The following GALNT17 variants were observed in gnomAD, a reference collection of about 807,000 sequenced individuals.
GALNT17 encodes polypeptide N-acetylgalactosaminyltransferase 17.
In GALNT17, 29 loss-of-function variants were observed where a neutral mutation model predicts 63.7. That is an observed-to-expected ratio of 0.46 (90% CI 0.34 to 0.62). The LOEUF is 0.62. GALNT17 is among the 20% of genes least tolerant of loss of function. The pLI is 0.01. For missense variants in GALNT17, 603 were observed against 799.6 expected (o/e 0.75, Z 2.97); for synonymous variants, 305 against 318.3 (o/e 0.96, Z 0.45).
At chr7:71,181,304 C>A (rs1788731487) in intron 1 of GALNT17, among the ~76,000 whole-genome samples, 1 of 150,662 alleles carries the variant, frequency 6.6e-6, no homozygotes, top group South Asian at 2.1e-4. Flanking sequence ...TGTGCACCAA[C>A]CTAATATTAA....
chr7:71,309,219 T>C (rs1487481601), intron 1 of GALNT17, among the ~76,000 whole-genome samples: 1 of 152,148 alleles, frequency 6.6e-6, no homozygotes, highest in Non-Finnish European at 1.5e-5. Flanking sequence ...TCTTTTCTCT[T>C]TCCTACTCAA....
intron 2 of GALNT17, among the ~76,000 whole-genome samples, chr7:71,386,848 T>C (rs1483479878): frequency 1.3e-5 from 2 of 152,114 alleles, no homozygotes; most frequent in Non-Finnish European, 2.9e-5. Context: ...ACTATGATTA[T>C]TGGCGTGGGT....
Position 71,569,667 on chromosome 7 carries a change from T to G in GALNT17, c.963-1618T>G, listed in dbSNP as rs140815646. Among the ~76,000 whole-genome samples the G allele has an allele frequency of 4.0e-3, 614 of 152,248 alleles. 2 individuals carry two copies. The highest frequency in any genetic ancestry group is 0.014 in the African/African-American group (600 of 41,548). Reference sequence around the variant, plus strand: ...CTGGGGAACAACTTTTCCACACTAGTCTTGAATGGCTGTGTCCATGCTGCA... The same window carrying G: ...CTGGGGAACAACTTTTCCACACTAGGCTTGAATGGCTGTGTCCATGCTGCA... On this transcript the variant is annotated intron_variant, in intron 5 of 10. Coordinates refer to ENST00000333538, the MANE Select transcript of GALNT17 (RefSeq NM_022479.3).
intron 1 of GALNT17, among the ~76,000 whole-genome samples, chr7:71,188,011 T>G (rs1202382813): frequency 6.6e-6 from 1 of 152,218 alleles, no homozygotes; most frequent in South Asian, 2.1e-4. Flanking sequence ...TCACTTAGAA[T>G]AATATTATAG....
At chr7:71,495,280 A>C (rs894214728) in intron 5 of GALNT17, among the ~76,000 whole-genome samples, 2 of 152,058 alleles carry the variant, frequency 1.3e-5, no homozygotes, top group Non-Finnish European at 2.9e-5. Context: ...CATCTCAAAA[A>C]AAAAAGAAAA....
rs1787929763 is a variant in GALNT17, at chr7:71,487,436, C to A, written c.962+66331C>A. Among the ~76,000 whole-genome samples the A allele has an allele frequency of 2.0e-5, 3 of 152,068 alleles. No homozygotes were observed. The South Asian group carries it at 6.2e-4, about 32-fold the overall frequency. On this transcript the variant is annotated intron_variant, in intron 5 of 10. Transcript: ENST00000333538. ...GTTTGGAGACAGGCACCAAAAAGTC[C>A]ATCCAGCGTCCAGGGAATAGTTGAG...
Position 71,638,500 on chromosome 7 carries a change from A to G in GALNT17, c.1081-26911A>G, listed in dbSNP as rs182132734. On this transcript the variant is annotated intron_variant, in intron 6 of 10. Transcript: ENST00000333538. ...TGTCCCTCCCCTGGAAGGTTAGGAAAGGGCTTCTGGAAGAGGGTCCCTGGG... is the reference window on the plus strand; with the variant it reads ...TGTCCCTCCCCTGGAAGGTTAGGAAGGGGCTTCTGGAAGAGGGTCCCTGGG... Among the ~76,000 whole-genome samples, 25 of 152,290 alleles carry G rather than the reference A, an allele frequency of 1.6e-4. No individual in the cohort carries two copies. In the East Asian group the frequency reaches 4.8e-3, roughly 29 times the overall value.
In GALNT17 at chr7:71,712,171, C is replaced by G; in HGVS notation, c.*25C>G. 1.2e-6 allele frequency: 2 copies of G among 1,605,706 alleles called. No homozygotes were observed. The highest frequency in any genetic ancestry group is 1.7e-6 in the Non-Finnish European group (2 of 1,175,542). On this transcript the variant is annotated 3_prime_UTR_variant, in exon 11 of 11. Coordinates refer to ENST00000333538, the MANE Select transcript of GALNT17 (RefSeq NM_022479.3). ...GAGGGAGGGAGCTGGGGCACTGGAGCCTGGCCCCCAGGACATGGCTGCTCC... is the reference window on the plus strand; with the variant it reads ...GAGGGAGGGAGCTGGGGCACTGGAGGCTGGCCCCCAGGACATGGCTGCTCC...
rs372421483 is a variant in GALNT17 at position 71,344,833 on chromosome 7, G to C, written c.422+9100G>C. Among the ~76,000 whole-genome samples, 14 of 152,294 alleles carry C rather than the reference G, an allele frequency of 9.2e-5. No individual in the cohort carries two copies. In the East Asian group the frequency reaches 2.7e-3, roughly 29 times the overall value. On this transcript the variant is annotated intron_variant, in intron 2 of 10. Transcript: ENST00000333538. ...AAGAGCTGGATTCAGGAAAATCCTA[G>C]AGAGAATTAGTAAAATGAGGCAACT...
At chr7:71,239,446 T>A (rs113151632) in intron 1 of GALNT17, among the ~76,000 whole-genome samples, 60 of 152,288 alleles carry the variant, frequency 3.9e-4, no homozygotes, top group African/African-American at 1.4e-3. Context: ...CACCCCAGCC[T>A]AGACAACAGA....
intron 5 of GALNT17, among the ~76,000 whole-genome samples, chr7:71,491,287 T>C (rs933565619): frequency 2.6e-5 from 4 of 152,188 alleles, no homozygotes; most frequent in Non-Finnish European, 5.9e-5. Context: ...TGGGTCTTCA[T>C]GGCACTATTG....
At chr7:71,673,353 C>T (rs1441290464) in intron 8 of GALNT17, among the ~76,000 whole-genome samples, 1 of 151,738 alleles carries the variant, frequency 6.6e-6, no homozygotes, top group South Asian at 2.1e-4. Flanking sequence ...ATAAATGGTG[C>T]GTACAAAAGT....
intron 5 of GALNT17, among the ~76,000 whole-genome samples, chr7:71,516,459 G>C (rs1788446595): frequency 6.6e-6 from 1 of 152,170 alleles, no homozygotes; most frequent in South Asian, 2.1e-4. Context: ...CAGAACTGGA[G>C]TGGAGGAGTT....
chr7:71,160,521 C>T (rs1028849084), intron 1 of GALNT17, among the ~76,000 whole-genome samples: 1 of 152,090 alleles, frequency 6.6e-6, no homozygotes, highest in Non-Finnish European at 1.5e-5. Context: ...TGCAATGGCA[C>T]GATCTCAGCT....
chr7:71,691,874 T>C (rs1182713913), intron 9 of GALNT17, among the ~76,000 whole-genome samples: 8 of 46,764 alleles, frequency 1.7e-4, no homozygotes, highest in African/African-American at 2.1e-4. Flanking sequence ...TTCTTTCCTT[T>C]CTTTCCTTCC....
At chr7:71,425,180 T>C (rs1270875400) in intron 5 of GALNT17, among the ~76,000 whole-genome samples, 2 of 152,042 alleles carry the variant, frequency 1.3e-5, no homozygotes, top group African/African-American at 2.4e-5. Flanking sequence ...AGGAGGCAGC[T>C]GTTCCCAGCT....
chr7:71,146,945 G>A (rs1204784776), intron 1 of GALNT17, among the ~76,000 whole-genome samples: 1 of 152,154 alleles, frequency 6.6e-6, no homozygotes, highest in Non-Finnish European at 1.5e-5. Flanking sequence ...GGACACAAGG[G>A]AGGCTAATTG....
intron 1 of GALNT17, among the ~76,000 whole-genome samples, chr7:71,306,604 T>G (rs1381169734): frequency 6.6e-6 from 1 of 152,214 alleles, no homozygotes; most frequent in Non-Finnish European, 1.5e-5. Context: ...CCATTGTATG[T>G]TTACATCTTA....
chr7:71,295,322 A>T (rs2115843406), intron 1 of GALNT17, among the ~76,000 whole-genome samples: 1 of 152,100 alleles, frequency 6.6e-6, no homozygotes, highest in South Asian at 2.1e-4. Flanking sequence ...TATCTATTCC[A>T]TTGCTTGCCC....
Sources: gnomAD v4.1 joint callset for allele counts (sites outside exome capture counted in the v4.1 genomes callset) on GRCh38, gnomAD v4.1.1 for gene constraint, MANE v1.5 for transcripts, NCBI Gene and HGNC (gene_info 2026-07-23, HGNC 2026-07-21) for gene names.